The following ITPR2 variants were observed in gnomAD, a reference collection of about 807,000 sequenced individuals.
ITPR2 encodes the protein inositol 1,4,5-trisphosphate-gated calcium channel ITPR2.
Under a neutral mutation model 317.1 loss-of-function variants are expected in ITPR2, and 207 were observed. That is an observed-to-expected ratio of 0.65 (90% confidence interval 0.58 to 0.73). The LOEUF (loss-of-function observed/expected upper bound fraction) is 0.73, where lower values mean the gene tolerates loss of function less well. Among genes scored for constraint, ITPR2 ranks in the 30% least tolerant of loss-of-function variants. The pLI, the probability that ITPR2 is intolerant of heterozygous loss-of-function variation, is 0.00. For missense variants in ITPR2, 2,613 were observed against 3,284.0 expected, an observed-to-expected ratio of 0.80 and a Z score of 4.99; for synonymous variants, 1,156 against 1,149.1, an observed-to-expected ratio of 1.01 and a Z score of -0.12.
chr12:26,832,421 C>T (rs1951128406), intron 1 of ITPR2, among the ~76,000 whole-genome samples: 1 of 152,268 alleles, frequency 6.6e-6, no homozygotes, highest in Non-Finnish European at 1.5e-5. Flanking sequence ...TCGCCGGGCC[C>T]GTCTCCGGGC....
chr12:26,560,288 G>A (rs939960579), intron 35 of ITPR2, among the ~76,000 whole-genome samples: 2 of 151,852 alleles, frequency 1.3e-5, no homozygotes, highest in African/African-American at 4.8e-5. Context: ...GCCTCTCATA[G>A]GGCGTTCTTT....
chr12:26,443,687 T>A, intron 45 of ITPR2, 37 bp from the exon 46 acceptor site: 1 of 1,527,168 alleles, frequency 6.5e-7, no homozygotes, highest in Non-Finnish European at 9.1e-7. Flanking sequence ...TAGGTCTTCT[T>A]TTCCCCTTTC....
intron 13 of ITPR2, among the ~76,000 whole-genome samples, chr12:26,681,026 G>A (rs1472642852): frequency 1.3e-5 from 2 of 152,182 alleles, no homozygotes; most frequent in African/African-American, 2.4e-5. Context: ...CTGAATGCCT[G>A]GGAAATTGGC....
intron 37 of ITPR2, among the ~76,000 whole-genome samples, chr12:26,531,468 T>C (rs1943940824): frequency 6.6e-6 from 1 of 152,268 alleles, no homozygotes; most frequent in African/African-American, 2.4e-5. Context: ...AAAATGCTCC[T>C]TGATTTTTTC....
intron 2 of ITPR2, among the ~76,000 whole-genome samples, chr12:26,752,836 C>T (rs1949450041): frequency 6.6e-6 from 1 of 152,080 alleles, no homozygotes. Flanking sequence ...ACCCCTGACC[C>T]AAAAGCTAAC....
chr12:26,454,463 C>T (rs1247893749), intron 45 of ITPR2, among the ~76,000 whole-genome samples: 1 of 152,152 alleles, frequency 6.6e-6, no homozygotes, highest in Non-Finnish European at 1.5e-5. Flanking sequence ...ACCTCGGCCT[C>T]CCAAAGTGCT....
intron 37 of ITPR2, among the ~76,000 whole-genome samples, chr12:26,508,458 T>G (rs1423153219): frequency 6.6e-6 from 1 of 152,210 alleles, no homozygotes; most frequent in African/African-American, 2.4e-5. Flanking sequence ...ATGATACATT[T>G]TCTATATGTA....
chr12:26,708,965 G>T (rs920907242), intron 9 of ITPR2, among the ~76,000 whole-genome samples: 1 of 152,140 alleles, frequency 6.6e-6, no homozygotes, highest in African/African-American at 2.4e-5. Context: ...AATGATAAAC[G>T]TGTAATCATT....
chr12:26,768,733 G>A (rs2137144042), intron 2 of ITPR2, among the ~76,000 whole-genome samples: 1 of 152,024 alleles, frequency 6.6e-6, no homozygotes, highest in African/African-American at 2.4e-5. Flanking sequence ...AGTTCAAGTT[G>A]CATAACTGTG....
intron 54 of ITPR2, among the ~76,000 whole-genome samples, chr12:26,389,733 C>A (rs906479730): frequency 1.3e-5 from 2 of 152,124 alleles, no homozygotes; most frequent in African/African-American, 4.8e-5. Flanking sequence ...GTGCTTACCA[C>A]CTCCTTATAG....
At chr12:26,781,493 G>C (rs1950076014) in intron 2 of ITPR2, among the ~76,000 whole-genome samples, 1 of 152,140 alleles carries the variant, frequency 6.6e-6, no homozygotes, top group Non-Finnish European at 1.5e-5. Flanking sequence ...ATTTGGGCTG[G>C]GGATTGGTAC....
chr12:26,553,749 C>T (rs978377344), intron 36 of ITPR2, among the ~76,000 whole-genome samples: 7 of 151,400 alleles, frequency 4.6e-5, no homozygotes, highest in Middle Eastern at 3.5e-3. Context: ...TGCGCCACTG[C>T]ACTCCAGCCT....
chr12:26,672,360 A>G (rs1056812050), intron 13 of ITPR2, among the ~76,000 whole-genome samples: 10 of 152,268 alleles, frequency 6.6e-5, no homozygotes, highest in African/African-American at 1.9e-4. Context: ...CTCTCAGACT[A>G]CAGTGCAATC....
rs552310003 is a variant in ITPR2, at chr12:26,786,709, TGGA to T, written c.163+3445_163+3447del. Among the ~76,000 whole-genome samples, 87 of 152,250 alleles carry T rather than the reference TGGA, an allele frequency of 5.7e-4. 3 individuals are homozygous for T. Among genetic ancestry groups the T allele is most frequent in the African/African-American group, 2.1e-3 (86 of 41,524 alleles). ...ACTTGGTTGCCACAGTCAAAAACATTGGAGGAGTTGTACTAGATTTACTTTTAA... is the reference window on the plus strand; with the variant it reads ...ACTTGGTTGCCACAGTCAAAAACATTGGAGTTGTACTAGATTTACTTTTAA... On this transcript the variant is annotated intron_variant, in intron 2 of 56. Coordinates refer to ENST00000381340, the MANE Select transcript of ITPR2 (RefSeq NM_002223.4).
intron 54 of ITPR2, among the ~76,000 whole-genome samples, chr12:26,388,021 G>A (rs1436538345): frequency 1.3e-5 from 2 of 152,152 alleles, no homozygotes; most frequent in Non-Finnish European, 2.9e-5. Flanking sequence ...AAGAGGGAAA[G>A]AATTGAGACA....
At chr12:26,567,958 A>AT (rs1170498298) in intron 34 of ITPR2, among the ~76,000 whole-genome samples, 36 of 25,696 alleles carry the variant, frequency 1.4e-3, no homozygotes, top group African/African-American at 4.0e-3. Context: ...TATTATATAT[A>AT]TATATATATA....
rs368241765 is a variant in ITPR2, at chr12:26,486,115, G to A, written c.5800C>T (p.Arg1934Trp). 5.9e-5 allele frequency: 96 copies of A among 1,613,950 alleles called. No homozygotes were observed. The highest frequency in any genetic ancestry group is 4.3e-4 in the South Asian group (39 of 91,052). ...FLQLLCENHN[R>W]ELQNFLRNQN... ...AACAGAACAAATACCTGCAATTCCCGGTTGTGATTCTCACACAGTAACTGA... is the reference window on the plus strand; with the variant it reads ...AACAGAACAAATACCTGCAATTCCCAGTTGTGATTCTCACACAGTAACTGA... The change falls in exon 41 of 57, where the codon CGG (arginine) becomes TGG (tryptophan). Residue 1934 changes from arginine to tryptophan, a missense_variant. By Grantham distance (101) the Arg-to-Trp change is moderately radical. Transcript: ENST00000381340.
chr12:26,530,147 T>G (rs1376737808), intron 37 of ITPR2, among the ~76,000 whole-genome samples: 2 of 152,130 alleles, frequency 1.3e-5, no homozygotes, highest in Non-Finnish European at 2.9e-5. Flanking sequence ...GGATTTTAAT[T>G]TAATTTAACA....
chr12:26,679,198 C>T (rs1019678560), intron 13 of ITPR2, among the ~76,000 whole-genome samples: 10 of 151,928 alleles, frequency 6.6e-5, no homozygotes, highest in Non-Finnish European at 1.5e-4. Flanking sequence ...GTTGGAGGTG[C>T]GACTGAATAT....
Sources: allele counts gnomAD v4.1 joint callset (sites outside exome capture counted in the v4.1 genomes callset), GRCh38; gene constraint gnomAD v4.1.1; transcripts MANE v1.5; gene names NCBI Gene and HGNC (gene_info 2026-07-23, HGNC 2026-07-21).